The following IGSF11 variants were observed in gnomAD, a reference collection of about 807,000 sequenced individuals.
IGSF11 encodes the protein immunoglobulin superfamily member 11, also known as CXADR like 1.
IGSF11 carries 22 observed loss-of-function variants against 41.0 expected under a neutral mutation model. The observed-to-expected ratio is 0.54, with a 90% CI of 0.38 to 0.77. The LOEUF (loss-of-function observed/expected upper bound fraction) is 0.77. IGSF11 is among the 30% of genes least tolerant of loss of function. The probability of loss-of-function intolerance (pLI) is 0.00; values close to 1 mark genes in which losing one functional copy is unlikely to be tolerated. For synonymous variants in IGSF11, 219 were observed against 201.3 expected (o/e 1.09, Z -0.74); for missense variants, 444 against 530.8 (o/e 0.84, Z 1.61).
intron 1 of IGSF11, among the ~76,000 whole-genome samples, chr3:119,025,034 C>A (rs965357599): frequency 2.6e-5 from 4 of 152,042 alleles, no homozygotes; most frequent in Non-Finnish European, 5.9e-5. Flanking sequence ...AAAAATAAGA[C>A]TATATTCGAA....
intron 1 of IGSF11, among the ~76,000 whole-genome samples, chr3:119,117,543 G>A (rs551832307): frequency 2.8e-4 from 43 of 152,188 alleles, no homozygotes; most frequent in African/African-American, 9.6e-4. Flanking sequence ...TCCCTCCCAC[G>A]ACACATGGAA....
intron 4 of IGSF11, among the ~76,000 whole-genome samples, chr3:118,923,780 G>T (rs1017113324): frequency 6.6e-6 from 1 of 152,146 alleles, no homozygotes; most frequent in African/African-American, 2.4e-5. Context: ...CTCATAATGA[G>T]ATTTAGGTTA....
intron 1 of IGSF11, among the ~76,000 whole-genome samples, chr3:119,046,635 T>C (rs953362451): frequency 6.6e-6 from 1 of 151,710 alleles, no homozygotes; most frequent in Non-Finnish European, 1.5e-5. Context: ...ATTCAGGAAA[T>C]ACAGAGAACA....
chr3:118,912,996 T>C (rs886130577), intron 4 of IGSF11, among the ~76,000 whole-genome samples: 1 of 151,856 alleles, frequency 6.6e-6, no homozygotes, highest in Non-Finnish European at 1.5e-5. Context: ...CGAGACTCCA[T>C]CTCTTAAAAG....
intron 1 of IGSF11, among the ~76,000 whole-genome samples, chr3:118,984,849 G>T (rs553134079): frequency 6.6e-6 from 1 of 152,218 alleles, no homozygotes; most frequent in East Asian, 1.9e-4. Context: ...CAAAAATGCA[G>T]TGCTGCAAAA....
chr3:119,008,620 A>G (rs1255575174), intron 1 of IGSF11, among the ~76,000 whole-genome samples: 5 of 152,218 alleles, frequency 3.3e-5, no homozygotes, highest in Non-Finnish European at 5.9e-5. Flanking sequence ...GTGATTCTGA[A>G]TAAGTCCACA....
intron 4 of IGSF11, among the ~76,000 whole-genome samples, chr3:118,909,166 G>A (rs560356661): frequency 8.5e-5 from 13 of 152,206 alleles, no homozygotes; most frequent in Non-Finnish European, 1.8e-4. Flanking sequence ...AATAGATATT[G>A]ATCTTCAGGA....
intron 1 of IGSF11, among the ~76,000 whole-genome samples, chr3:118,960,547 G>A (rs372385847): frequency 2.0e-4 from 31 of 151,842 alleles, no homozygotes; most frequent in East Asian, 9.6e-4. Flanking sequence ...CTATTTTGCC[G>A]GTTGATTATT....
intron 1 of IGSF11, among the ~76,000 whole-genome samples, chr3:119,013,628 A>T (rs1489777386): frequency 1.3e-5 from 2 of 152,264 alleles, no homozygotes; most frequent in Admixed American, 6.5e-5. Context: ...ACTGTGGTAG[A>T]TTCTGGCGAC....
intron 1 of IGSF11, among the ~76,000 whole-genome samples, chr3:119,110,474 C>G (rs1272045361): frequency 6.6e-6 from 1 of 152,144 alleles, no homozygotes; most frequent in Non-Finnish European, 1.5e-5. Flanking sequence ...TATTTTGAGC[C>G]TATGTGTGTC....
At chr3:119,105,244 C>A, upstream of IGSF11, 2 of 1,156,518 alleles carry the variant, frequency 1.7e-6, no homozygotes, top group Non-Finnish European at 1.3e-6. Flanking sequence ...GACTTTATGT[C>A]ATCATAACAT....
intron 4 of IGSF11, among the ~76,000 whole-genome samples, chr3:118,913,225 C>G (rs892546069): frequency 1.3e-5 from 2 of 151,086 alleles, no homozygotes; most frequent in Non-Finnish European, 2.9e-5. Context: ...CAAGAGCTAA[C>G]AGGAAACAAT....
intron 1 of IGSF11, among the ~76,000 whole-genome samples, chr3:119,117,731 A>C (rs2077278035): frequency 6.6e-6 from 1 of 152,232 alleles, no homozygotes; most frequent in Non-Finnish European, 1.5e-5. Flanking sequence ...ATCTGAGACA[A>C]GGTTAGTCCC....
intron 4 of IGSF11, chr3:118,925,882 T>C (rs1295265564): frequency 9.9e-6 from 3 of 302,458 alleles, no homozygotes; most frequent in Non-Finnish European, 1.8e-5. Context: ...AGTTTCCATA[T>C]ATAGTTACCA....
At chr3:119,045,844 C>A (rs2093440899) in intron 1 of IGSF11, among the ~76,000 whole-genome samples, 2 of 152,060 alleles carry the variant, frequency 1.3e-5, no homozygotes, top group Admixed American at 6.5e-5. Flanking sequence ...CCCCTGACCC[C>A]CGAGCAGCCT....
intron 1 of IGSF11, among the ~76,000 whole-genome samples, chr3:119,001,434 T>C (rs1235904099): frequency 6.6e-6 from 1 of 150,604 alleles, no homozygotes; most frequent in Admixed American, 6.6e-5. Context: ...TGTTTTTTGC[T>C]TTAGTTTTTG....
intron 1 of IGSF11, 24 bp downstream of exon 1, chr3:119,034,507 G>C: frequency 1.3e-6 from 2 of 1,547,578 alleles, no homozygotes; most frequent in Non-Finnish European, 1.7e-6. Flanking sequence ...GCCCCACCGG[G>C]AAGAAAGGGC....
intron 1 of IGSF11, among the ~76,000 whole-genome samples, chr3:118,975,567 C>T (rs1282624332): frequency 6.6e-6 from 1 of 152,168 alleles, no homozygotes; most frequent in East Asian, 1.9e-4. Flanking sequence ...AGCATCAACT[C>T]TTATGTTCAC....
intron 1 of IGSF11, among the ~76,000 whole-genome samples, chr3:119,061,462 A>G (rs549284379): frequency 3.0e-4 from 46 of 152,250 alleles, no homozygotes; most frequent in African/African-American, 1.1e-3. Flanking sequence ...CCAATGTAGG[A>G]TGGGACTCAA....
Sources: gnomAD v4.1 joint callset for allele counts (sites outside exome capture counted in the v4.1 genomes callset) on GRCh38, gnomAD v4.1.1 for gene constraint, MANE v1.5 for transcripts, NCBI Gene and HGNC (gene_info 2026-07-23, HGNC 2026-07-21) for gene names.